CCDC30: variants seen among roughly 807,000 people sequenced by gnomAD.
CCDC30 encodes coiled-coil domain containing 30.
Under a neutral mutation model 100.2 loss-of-function variants are expected in CCDC30, and 70 were observed. The ratio of observed to expected loss-of-function variants is 0.70; its 90% CI spans 0.58 to 0.85. The LOEUF is 0.85. CCDC30 is among the 40% of genes least tolerant of loss of function. The probability of loss-of-function intolerance (pLI) is 0.00; values close to 1 mark genes in which losing one functional copy is unlikely to be tolerated. For synonymous variants in CCDC30, 233 were observed against 269.5 expected (o/e 0.86, Z 1.33); for missense variants, 652 against 771.2 (o/e 0.85, Z 1.83).
chr1:42,535,036 A>G (rs1481268578), intron 6 of CCDC30: 1 of 152,176 alleles, frequency 6.6e-6, no homozygotes, highest in Non-Finnish European at 1.5e-5. Flanking sequence ...AATAGAGGTA[A>G]GGCAGACACC....
chr1:42,597,627 C>G (rs1646315214), intron 10 of CCDC30, among the ~76,000 whole-genome samples: 1 of 131,356 alleles, frequency 7.6e-6, no homozygotes, highest in Non-Finnish European at 1.7e-5. Context: ...GAAACCCCAT[C>G]CCTACAAAAA....
At chr1:42,616,028 G>A (rs1221719902) in intron 11 of CCDC30, among the ~76,000 whole-genome samples, 1 of 151,978 alleles carries the variant, frequency 6.6e-6, no homozygotes, top group Non-Finnish European at 1.5e-5. Context: ...CGATTCTCCT[G>A]CCTCAGCCTC....
At chr1:42,511,435 C>T (rs537325300) in intron 6 of CCDC30, among the ~76,000 whole-genome samples, 3 of 152,238 alleles carry the variant, frequency 2.0e-5, no homozygotes, top group South Asian at 2.1e-4. Flanking sequence ...CATGCTAAAG[C>T]GTTTCCCCTT....
At chr1:42,635,032 A>G (rs1174330114) in intron 11 of CCDC30, among the ~76,000 whole-genome samples, 1 of 152,026 alleles carries the variant, frequency 6.6e-6, no homozygotes. Context: ...ATAACATTGT[A>G]TGGATATACC....
At chr1:42,456,210 G>A in the CCDC30 span, 4 of 616,826 alleles carry the variant, frequency 6.5e-6, no homozygotes, top group South Asian at 3.8e-5. Flanking sequence ...AAGTCCCACG[G>A]GTCAAATGGC....
chr1:42,609,858 G>A (rs891546342), intron 10 of CCDC30, among the ~76,000 whole-genome samples: 3 of 152,164 alleles, frequency 2.0e-5, no homozygotes, highest in Admixed American at 1.3e-4. Context: ...AGGTTTCCAC[G>A]CATTCCCAAA....
chr1:42,567,784 T>C (rs1258273472), intron 7 of CCDC30, among the ~76,000 whole-genome samples: 1 of 152,194 alleles, frequency 6.6e-6, no homozygotes, highest in East Asian at 1.9e-4. Flanking sequence ...TAAGGAACAA[T>C]GGCCAGAACT....
At chr1:42,578,088 C>G (rs1475345553) in intron 8 of CCDC30, among the ~76,000 whole-genome samples, 1 of 151,992 alleles carries the variant, frequency 6.6e-6, no homozygotes, top group South Asian at 2.1e-4. Context: ...TTTTAGATTG[C>G]CCGACACTAG....
chr1:42,589,653 T>C (rs1444612910), intron 10 of CCDC30, 170 bp downstream of exon 14: 1 of 558,234 alleles, frequency 1.8e-6, no homozygotes, highest in African/African-American at 1.9e-5. Flanking sequence ...ACACAGGGAA[T>C]AAGAGCTTAC....
intron 6 of CCDC30, among the ~76,000 whole-genome samples, chr1:42,507,902 T>C (rs545795992): frequency 2.6e-5 from 4 of 152,348 alleles, no homozygotes; most frequent in Middle Eastern, 6.8e-3. Context: ...TTGAAGACTT[T>C]TTTATTTCTT....
rs571386862 is a variant in CCDC30 at position 42,626,933 on chromosome 1, G to A, written c.1278-10304G>A. On this transcript the variant is annotated intron_variant, in intron 11 of 16. Coordinates refer to ENST00000668663, the Ensembl canonical transcript of CCDC30. ...TGAAAACGAACTAATACAGTAAATT[G>A]GTACCAGTAGATTGGGGCATTGCTG... Among the ~76,000 whole-genome samples, 36 of 152,218 alleles carry A rather than the reference G, an allele frequency of 2.4e-4. No individual in the cohort carries two copies. In the South Asian group the frequency reaches 7.5e-3, roughly 32 times the overall value.
intron 15 of CCDC30, among the ~76,000 whole-genome samples, chr1:42,651,156 A>G (rs1471269477): frequency 6.6e-6 from 1 of 152,216 alleles, no homozygotes; most frequent in South Asian, 2.1e-4. Context: ...AAACTACATG[A>G]TATTGACCTG....
chr1:42,616,760 T>C (rs1646734228), intron 11 of CCDC30, among the ~76,000 whole-genome samples: 2 of 152,272 alleles, frequency 1.3e-5, no homozygotes, highest in Middle Eastern at 3.4e-3. Flanking sequence ...ACCGAACCAA[T>C]AGTAGCGACA....
Position 42,482,691 on chromosome 1 carries a change from A to C in CCDC30, c.44A>C (p.Lys15Thr), listed in dbSNP as rs1342980837. The change falls in exon 3 of 17, where the codon AAA becomes ACA. Residue 15 changes from lysine (K) to threonine (T), a missense_variant. Lys to Thr is a moderately conservative substitution (Grantham distance 78, BLOSUM62 -1). Coordinates refer to ENST00000668663, the Ensembl canonical transcript of CCDC30. ...CATAATGAAGACCTGGAAAAAGACA[A>C]AACATCACAAAACTGCCTAGGAAGA... 6 of 1,234,008 alleles carry C rather than the reference A, an allele frequency of 4.9e-6. No individual in the cohort carries two copies. The African/African-American group carries it at 9.3e-5, about 19-fold the overall frequency. 76.4% of individuals were successfully genotyped at this position (1,234,008 alleles called of 1,614,324 possible).
At chr1:42,460,222 A>G (rs1199107403), upstream of CCDC30, 1 of 1,084,610 alleles carries the variant, frequency 9.2e-7, no homozygotes, top group Non-Finnish European at 1.1e-6. Context: ...TTTATACTAT[A>G]GAAAAAGGAT....
intron 6 of CCDC30, among the ~76,000 whole-genome samples, chr1:42,565,251 A>G (rs1645580936): frequency 6.6e-6 from 1 of 152,184 alleles, no homozygotes; most frequent in Admixed American, 6.5e-5. Flanking sequence ...TAAAAAGACA[A>G]CCTACAGAAT....
chr1:42,537,273 A>G (rs1346988104), intron 6 of CCDC30: 1 of 456,098 alleles, frequency 2.2e-6, no homozygotes. Context: ...AGCCTATATT[A>G]TGAAAAGAGA....
chr1:42,496,448 G>A (rs1644233667), intron 4 of CCDC30, among the ~76,000 whole-genome samples: 1 of 150,694 alleles, frequency 6.6e-6, no homozygotes, highest in Non-Finnish European at 1.5e-5. Context: ...AACTTTGTCT[G>A]TTTGTATATT....
the CCDC30 span, chr1:42,456,618 G>A: frequency 6.4e-7 from 1 of 1,551,524 alleles, no homozygotes; most frequent in Non-Finnish European, 8.7e-7. Flanking sequence ...GGTGCTGCGC[G>A]CTGGGCTGAG....
Sources: allele counts gnomAD v4.1 joint callset (sites outside exome capture counted in the v4.1 genomes callset), GRCh38; gene constraint gnomAD v4.1.1; transcripts MANE v1.5; gene names NCBI Gene and HGNC (gene_info 2026-07-23, HGNC 2026-07-21).